The following ACSS3 variants were observed in gnomAD, a reference collection of about 807,000 sequenced individuals.
The protein encoded by ACSS3 is acyl-CoA synthetase short chain family member 3.
In ACSS3, 64 loss-of-function variants were observed where a neutral mutation model predicts 84.2. The observed-to-expected ratio is 0.76, with a 90% confidence interval of 0.62 to 0.94. ACSS3 has a LOEUF of 0.94. Ranked by LOEUF, ACSS3 falls within the 40% of genes least tolerant of loss-of-function variation. The probability of loss-of-function intolerance (pLI) is 0.00; values close to 1 mark genes in which losing one functional copy is unlikely to be tolerated. For synonymous variants in ACSS3, 317 were observed against 310.1 expected (o/e 1.02, Z -0.23); for missense variants, 815 against 867.6 (o/e 0.94, Z 0.76).
intron 1 of ACSS3, among the ~76,000 whole-genome samples, chr12:81,089,481 G>C (rs530664852): frequency 6.6e-6 from 1 of 151,908 alleles, no homozygotes; most frequent in Admixed American, 6.6e-5. Flanking sequence ...AGGTCAATGA[G>C]TTGTGTCTCT....
In ACSS3 at chr12:81,139,122, T is replaced by C; in HGVS notation, c.646-9T>C. 1 of 1,610,440 alleles carries C rather than the reference T, an allele frequency of 6.2e-7. No homozygotes were observed. The highest frequency in any genetic ancestry group is 8.5e-7 in the Non-Finnish European group (1 of 1,178,492). Reference sequence around the variant, plus strand: ...AAGCTTTCTCTCCATTATTATTTTTTAATTGTAGCCCAAGGTGGTTGTTAC... The same window carrying C: ...AAGCTTTCTCTCCATTATTATTTTTCAATTGTAGCCCAAGGTGGTTGTTAC... On this transcript the variant is annotated splice_polypyrimidine_tract_variant and intron_variant, in intron 3 of 15. Transcript: ENST00000548058.
At chr12:81,124,648 CA>C (rs1884925624) in intron 2 of ACSS3, 1 of 152,060 alleles carries the variant, frequency 6.6e-6, no homozygotes, top group African/African-American at 2.4e-5. Context: ...TTTTACTCTC[CA>C]AAGGCCATTT....
intron 1 of ACSS3, among the ~76,000 whole-genome samples, chr12:81,099,956 C>T (rs527836979): frequency 2.6e-5 from 4 of 152,242 alleles, no homozygotes; most frequent in Non-Finnish European, 4.4e-5. Context: ...TATCCACACA[C>T]GTTCACTGAC....
intron 1 of ACSS3, among the ~76,000 whole-genome samples, chr12:81,097,969 GAA>G (rs113773106): frequency 3.4e-5 from 5 of 148,488 alleles, no homozygotes; most frequent in African/African-American, 1.2e-4. Context: ...TATTGAAGTG[GAA>G]AAAAAAAAGA....
chr12:81,193,183 T>C (rs2031663042), intron 8 of ACSS3, among the ~76,000 whole-genome samples: 1 of 152,136 alleles, frequency 6.6e-6, no homozygotes, highest in African/African-American at 2.4e-5. Context: ...GATATATTGA[T>C]GGCAAAAAAT....
chr12:81,116,630 C>T (rs1884067595), intron 2 of ACSS3, among the ~76,000 whole-genome samples: 1 of 151,990 alleles, frequency 6.6e-6, no homozygotes. Flanking sequence ...TATTAGGGTA[C>T]CTACATGATC....
chr12:81,253,972 T>C (rs1186478432), intron 15 of ACSS3, among the ~76,000 whole-genome samples: 2 of 152,292 alleles, frequency 1.3e-5, no homozygotes, highest in East Asian at 3.9e-4. Context: ...TTACCCAGGC[T>C]GTAGTGCAGT....
At chr12:81,174,321 C>T (rs1056758156) in intron 7 of ACSS3, among the ~76,000 whole-genome samples, 2 of 152,122 alleles carry the variant, frequency 1.3e-5, no homozygotes, top group African/African-American at 2.4e-5. Flanking sequence ...TGGAGTGAGA[C>T]ATTTAACTGA....
chr12:81,214,787 C>T (rs939258685), intron 9 of ACSS3, among the ~76,000 whole-genome samples: 1 of 152,166 alleles, frequency 6.6e-6, no homozygotes, highest in Non-Finnish European at 1.5e-5. Context: ...ACTGTAAGAA[C>T]TGTAGAGAGT....
At chr12:81,109,873 C>T (rs774919754) in intron 2 of ACSS3, among the ~76,000 whole-genome samples, 169 bp downstream of exon 2, 12 of 152,170 alleles carry the variant, frequency 7.9e-5, no homozygotes, top group Admixed American at 2.0e-4. Flanking sequence ...CTCATGTAGA[C>T]AGTTTTTATA....
chr12:81,129,973 G>C (rs1885383748), intron 2 of ACSS3, among the ~76,000 whole-genome samples: 1 of 152,048 alleles, frequency 6.6e-6, no homozygotes, highest in African/African-American at 2.4e-5. Flanking sequence ...TTTTATGGCT[G>C]CATAGTATTC....
chr12:81,118,531 GA>G (rs1265446976), intron 2 of ACSS3, among the ~76,000 whole-genome samples: 1 of 152,184 alleles, frequency 6.6e-6, no homozygotes, highest in Non-Finnish European at 1.5e-5. Flanking sequence ...GAAGGCTGGA[GA>G]AAGTAGTGTA....
chr12:81,119,486 G>A (rs1207582670), intron 2 of ACSS3, among the ~76,000 whole-genome samples: 1 of 152,122 alleles, frequency 6.6e-6, no homozygotes, highest in African/African-American at 2.4e-5. Flanking sequence ...TACTGCAGGA[G>A]ACCAGGGTGT....
intron 9 of ACSS3, among the ~76,000 whole-genome samples, chr12:81,203,288 C>G (rs1422620392): frequency 6.6e-6 from 1 of 152,204 alleles, no homozygotes; most frequent in Admixed American, 6.5e-5. Context: ...ATGGTGCCCA[C>G]TCGCACTGAG....
chr12:81,223,593 C>T (rs191292447), intron 11 of ACSS3, among the ~76,000 whole-genome samples: 70 of 152,102 alleles, frequency 4.6e-4, no homozygotes, highest in Non-Finnish European at 8.2e-4. Flanking sequence ...TCATTGTAGA[C>T]ATAACAAAGT....
intron 9 of ACSS3, among the ~76,000 whole-genome samples, chr12:81,213,935 T>TTC (rs1422969289): frequency 9.8e-6 from 1 of 101,682 alleles, no homozygotes; most frequent in Non-Finnish European, 2.1e-5. Context: ...CTTCCTTCCT[T>TTC]TCTCTCTCTC....
intron 1 of ACSS3, among the ~76,000 whole-genome samples, chr12:81,079,145 G>T (rs955661703): frequency 1.3e-5 from 2 of 152,194 alleles, no homozygotes; most frequent in Non-Finnish European, 2.9e-5. Flanking sequence ...TATAGGCCAG[G>T]TGATGTTAGA....
chr12:81,145,551 A>G (rs764216155), intron 5 of ACSS3, among the ~76,000 whole-genome samples: 1 of 152,188 alleles, frequency 6.6e-6, no homozygotes, highest in Non-Finnish European at 1.5e-5. Context: ...AATGGAGACA[A>G]AGAAATTAGT....
At chr12:81,210,375 C>T (rs2032542380) in intron 9 of ACSS3, among the ~76,000 whole-genome samples, 1 of 152,098 alleles carries the variant, frequency 6.6e-6, no homozygotes, top group Non-Finnish European at 1.5e-5. Flanking sequence ...TCTTGGATTC[C>T]ATCAAAAGGT....
Sources: allele counts gnomAD v4.1 joint callset (sites outside exome capture counted in the v4.1 genomes callset), GRCh38; gene constraint gnomAD v4.1.1; transcripts MANE v1.5; gene names NCBI Gene and HGNC (gene_info 2026-07-23, HGNC 2026-07-21).